The following CSRP2 variants were observed in gnomAD, a reference collection of about 807,000 sequenced individuals.
The protein encoded by CSRP2 is cysteine and glycine rich protein 2, also known as cysteine and glycine-rich protein 2.
In CSRP2, 18 loss-of-function variants were observed where a neutral mutation model predicts 24.6. The observed-to-expected ratio is 0.73, with a 90% CI of 0.51 to 1.09. The LOEUF (loss-of-function observed/expected upper bound fraction) is 1.09, where lower values mean the gene tolerates loss of function less well. CSRP2 is among the 50% of genes least tolerant of loss of function. The pLI is 0.00. For synonymous variants in CSRP2, 87 were observed against 84.3 expected, an observed-to-expected ratio of 1.03 and a Z score of -0.18; for missense variants, 215 against 239.4, an observed-to-expected ratio of 0.90 and a Z score of 0.67.
chr12:76,876,866 A>G (rs1442481498), intron 1 of CSRP2, among the ~76,000 whole-genome samples: 1 of 152,230 alleles, frequency 6.6e-6, no homozygotes, highest in Non-Finnish European at 1.5e-5. Context: ...AATTACAAGG[A>G]ACTACTCCCA....
intron 2 of CSRP2, among the ~76,000 whole-genome samples, chr12:76,865,181 T>C (rs1953722858): frequency 6.6e-6 from 1 of 152,230 alleles, no homozygotes; most frequent in Non-Finnish European, 1.5e-5. Flanking sequence ...GTTACTATGG[T>C]GTAGACATTG....
intron 1 of CSRP2, among the ~76,000 whole-genome samples, chr12:76,874,748 A>G (rs1420783700): frequency 1.3e-5 from 2 of 152,176 alleles, no homozygotes; most frequent in East Asian, 3.9e-4. Context: ...TTCCTGTCAG[A>G]TCGGCAGAGG....
chr12:76,867,775 C>T (rs1006637362), intron 1 of CSRP2, among the ~76,000 whole-genome samples: 4 of 152,114 alleles, frequency 2.6e-5, no homozygotes, highest in African/African-American at 9.7e-5. Context: ...CTCTTACTAA[C>T]CCAAACCTGG....
chr12:76,878,847 A>G (rs12299333), intron 1 of CSRP2, 91 bp downstream of exon 1: 28,732 of 152,114 alleles, frequency 0.19, 2,870 homozygotes, highest in Non-Finnish European at 0.22. Context: ...CGGCCGGGCG[A>G]CAGCACGACC....
chr12:76,859,448 ATACTT>A (rs760562393), intron 5 of CSRP2, 94 bp downstream of exon 5: 3 of 777,680 alleles, frequency 3.9e-6, no homozygotes, highest in Middle Eastern at 2.4e-4. Flanking sequence ...AAATAGTGGC[ATACTT>A]TTCTTTTTTT....
rs144841512 is a variant in CSRP2, at chr12:76,859,602, C to T, written c.450G>A (p.Gly150=). 1.2e-6 allele frequency: 2 copies of T among 1,612,900 alleles called. No homozygotes were observed. The highest frequency in any genetic ancestry group is 2.7e-5 in the African/African-American group (2 of 74,968). Residue 150 remains glycine (G), a synonymous_variant, in exon 5 of 6, where the codon GGG becomes GGA. Transcript: ENST00000311083. Reference sequence around the variant, plus strand: ...TCAGAGTTGTTGATTCAAGACTCTTCCCACACTTTGCACATCGGAAACAGT... The same window carrying T: ...TCAGAGTTGTTGATTCAAGACTCTTTCCACACTTTGCACATCGGAAACAGT... ...HKNCFRCAKC[G]KSLESTTLTE...
intron 1 of CSRP2, among the ~76,000 whole-genome samples, chr12:76,875,936 T>G (rs1953848067): frequency 6.6e-6 from 1 of 152,202 alleles, no homozygotes; most frequent in African/African-American, 2.4e-5. Flanking sequence ...AAATTATCAA[T>G]TCAACTTAAA....
rs575034998 is a variant in CSRP2 at position 76,859,305 on chromosome 12, C to T, written c.505+242G>A. Among the ~76,000 whole-genome samples, 7 of 152,298 alleles carry T rather than the reference C, an allele frequency of 4.6e-5. No individual in the cohort carries two copies. The East Asian group carries it at 5.8e-4, about 13-fold the overall frequency. Reference sequence around the variant, plus strand: ...TTGTCTGTTTTCTTCCATATACTTACGCTTTGCTCAAGACATGAAGGCAAA... The same window carrying T: ...TTGTCTGTTTTCTTCCATATACTTATGCTTTGCTCAAGACATGAAGGCAAA... On this transcript the variant is annotated intron_variant, in intron 5 of 5. Transcript: ENST00000311083.
At chr12:76,866,949 C>A (rs1252941406) in intron 1 of CSRP2, among the ~76,000 whole-genome samples, 1 of 152,122 alleles carries the variant, frequency 6.6e-6, no homozygotes, top group Non-Finnish European at 1.5e-5. Flanking sequence ...ACCCCAAGGC[C>A]CACTAGTGCA....
chr12:76,860,220 G>C, intron 4 of CSRP2, 64 bp downstream of exon 4: 1 of 1,570,102 alleles, frequency 6.4e-7, no homozygotes, highest in Non-Finnish European at 8.7e-7. Context: ...AATGTGGAAG[G>C]GTTAGGGGAG....
At chr12:76,860,511 C>CAT in intron 3 of CSRP2, 98 bp from the exon 4 acceptor site, 4 of 1,413,062 alleles carry the variant, frequency 2.8e-6, no homozygotes, top group Non-Finnish European at 3.8e-6. Flanking sequence ...TTAACCGCTA[C>CAT]ACTGCCTCAA....
intron 1 of CSRP2, among the ~76,000 whole-genome samples, chr12:76,870,950 G>A (rs927461337): frequency 1.8e-5 from 2 of 112,348 alleles, no homozygotes; most frequent in Non-Finnish European, 3.3e-5. Flanking sequence ...TCCAGCCTGG[G>A]CAACAGAGCA....
At chr12:76,869,578 A>ACACACACACACACACACAC (rs1420575005) in intron 1 of CSRP2, among the ~76,000 whole-genome samples, 1 of 138,900 alleles carries the variant, frequency 7.2e-6, no homozygotes, top group South Asian at 2.3e-4. Flanking sequence ...ACACACACAC[A>ACACACACACACACACACAC]CCCCTGACTG....
chr12:76,859,735 A>C, intron 4 of CSRP2, 95 bp from the exon 5 acceptor site: 5 of 856,804 alleles, frequency 5.8e-6, no homozygotes, highest in South Asian at 1.8e-5. Flanking sequence ...TGATCATCTC[A>C]AAGCAAGCTC....
At chr12:76,862,148 G>A (rs770217330) in intron 3 of CSRP2, 1 of 152,192 alleles carries the variant, frequency 6.6e-6, no homozygotes, top group African/African-American at 2.4e-5. Flanking sequence ...AGGCCATTTT[G>A]TTGGACTATT....
chr12:76,876,029 G>T (rs1054056813), intron 1 of CSRP2, among the ~76,000 whole-genome samples: 3 of 152,190 alleles, frequency 2.0e-5, no homozygotes, highest in African/African-American at 7.2e-5. Context: ...TACAGATGTA[G>T]TACCGACCTC....
At chr12:76,859,707 G>C (rs1953656365) in intron 4 of CSRP2, 67 bp from the exon 5 acceptor site, 1 of 1,157,404 alleles carries the variant, frequency 8.6e-7, no homozygotes, top group Non-Finnish European at 1.3e-6. Flanking sequence ...TAGATGTATG[G>C]CAAGAAGTGG....
At chr12:76,859,889 C>CT (rs890882497) in intron 4 of CSRP2, among the ~76,000 whole-genome samples, 7 of 152,196 alleles carry the variant, frequency 4.6e-5, no homozygotes, top group Non-Finnish European at 1.0e-4. Context: ...AAGAGACCAT[C>CT]TTTTTTCTGG....
intron 1 of CSRP2, among the ~76,000 whole-genome samples, chr12:76,871,580 C>T (rs1442573398): frequency 6.6e-6 from 1 of 152,062 alleles, no homozygotes; most frequent in Non-Finnish European, 1.5e-5. Flanking sequence ...ACCATCCTGG[C>T]TAACACGGTG....
Sources: gnomAD v4.1 joint callset for allele counts (sites outside exome capture counted in the v4.1 genomes callset) on GRCh38, gnomAD v4.1.1 for gene constraint, MANE v1.5 for transcripts, NCBI Gene and HGNC (gene_info 2026-07-23, HGNC 2026-07-21) for gene names.